Variants in PTPRD observed in about 807,000 individuals in gnomAD.
PTPRD encodes protein tyrosine phosphatase receptor type D, also known as receptor-type tyrosine-protein phosphatase delta.
In PTPRD, 34 loss-of-function variants were observed where a neutral mutation model predicts 214.5. That is an observed-to-expected ratio of 0.16 (90% CI 0.12 to 0.21). The LOEUF is 0.21. PTPRD is among the 10% of genes least tolerant of loss of function. The pLI is 1.00. For synonymous variants in PTPRD, 1,128 were observed against 845.7 expected, an observed-to-expected ratio of 1.33 and a Z score of -5.79; for missense variants, 2,545 against 2,398.7, an observed-to-expected ratio of 1.06 and a Z score of -1.27.
chr9:10,126,693 A>C (rs2154253473), intron 3 of PTPRD, among the ~76,000 whole-genome samples: 1 of 152,320 alleles, frequency 6.6e-6, no homozygotes, highest in East Asian at 1.9e-4. Flanking sequence ...GAAAAAGTTA[A>C]CATAGCTGTC....
chr9:9,475,039 G>C (rs1480811246), intron 8 of PTPRD, among the ~76,000 whole-genome samples: 1 of 152,134 alleles, frequency 6.6e-6, no homozygotes, highest in Admixed American at 6.5e-5. Context: ...TAAAAATAAA[G>C]AATCCTGCTA....
At chr9:8,816,365 T>A (rs981421185) in intron 11 of PTPRD, among the ~76,000 whole-genome samples, 2 of 152,206 alleles carry the variant, frequency 1.3e-5, no homozygotes, top group African/African-American at 4.8e-5. Flanking sequence ...ATGGAAAGAA[T>A]GAGATGAGCC....
intron 3 of PTPRD, among the ~76,000 whole-genome samples, chr9:10,050,410 A>T (rs1218189389): frequency 6.6e-6 from 1 of 151,564 alleles, no homozygotes; most frequent in African/African-American, 2.4e-5. Flanking sequence ...ATACAAAAAA[A>T]CTAGCCAGGC....
intron 10 of PTPRD, among the ~76,000 whole-genome samples, chr9:9,031,677 C>A (rs1416482659): frequency 6.6e-6 from 1 of 151,992 alleles, no homozygotes; most frequent in Non-Finnish European, 1.5e-5. Flanking sequence ...GTGTGAATTT[C>A]TTCTTGAAGG....
chr9:9,675,828 G>T (rs1462094125), intron 7 of PTPRD, among the ~76,000 whole-genome samples: 1 of 151,882 alleles, frequency 6.6e-6, no homozygotes, highest in Admixed American at 6.6e-5. Flanking sequence ...TAAAAACATC[G>T]ACCTAATCTT....
intron 11 of PTPRD, among the ~76,000 whole-genome samples, chr9:8,831,118 C>A (rs111829996): frequency 9.3e-4 from 142 of 152,232 alleles, no homozygotes; most frequent in African/African-American, 3.3e-3. Flanking sequence ...GACAAGATGA[C>A]TGAGACTCAG....
chr9:10,134,798 G>A (rs576751865), intron 3 of PTPRD, among the ~76,000 whole-genome samples: 99 of 152,120 alleles, frequency 6.5e-4, no homozygotes, highest in Middle Eastern at 3.4e-3. Context: ...CATTAACTAC[G>A]GCAATTCAAA....
intron 10 of PTPRD, among the ~76,000 whole-genome samples, chr9:9,024,510 C>T (rs1459870825): frequency 1.3e-5 from 2 of 151,304 alleles, no homozygotes; most frequent in Admixed American, 6.6e-5. Flanking sequence ...AAATTATACT[C>T]CAAAAAGGTA....
chr9:8,336,043 T>A (rs968194916), intron 43 of PTPRD, among the ~76,000 whole-genome samples: 4 of 151,616 alleles, frequency 2.6e-5, no homozygotes, highest in Non-Finnish European at 5.9e-5. Flanking sequence ...CCAAGGTAAT[T>A]TATAGATTCA....
At chr9:10,043,732 T>TA (rs1229171988) in intron 3 of PTPRD, among the ~76,000 whole-genome samples, 1 of 151,862 alleles carries the variant, frequency 6.6e-6, no homozygotes, top group Non-Finnish European at 1.5e-5. Flanking sequence ...ACATTCTAGG[T>TA]AAGGATGAAG....
chr9:8,994,965 A>G (rs2099390906), intron 11 of PTPRD, among the ~76,000 whole-genome samples: 1 of 152,076 alleles, frequency 6.6e-6, no homozygotes, highest in African/African-American at 2.4e-5. Context: ...GTAATTTTCA[A>G]ATCTCCCCAA....
intron 2 of PTPRD, among the ~76,000 whole-genome samples, chr9:10,368,813 A>G (rs2097560539): frequency 6.6e-6 from 1 of 152,144 alleles, no homozygotes; most frequent in Non-Finnish European, 1.5e-5. Context: ...ATGGCAAATC[A>G]TGATACAAAA....
intron 9 of PTPRD, among the ~76,000 whole-genome samples, chr9:9,325,040 C>T (rs1450842498): frequency 1.3e-5 from 2 of 152,112 alleles, no homozygotes; most frequent in Non-Finnish European, 2.9e-5. Context: ...TGTTCTGTTC[C>T]ATTGATCTAT....
intron 3 of PTPRD, among the ~76,000 whole-genome samples, chr9:10,267,190 CAAA>C (rs530164049): frequency 6.6e-5 from 5 of 76,028 alleles, no homozygotes; most frequent in Non-Finnish European, 5.4e-5. Context: ...GACTCCGTCT[CAAA>C]AAAAAAAAAA....
At chr9:10,552,216 C>G (rs971868308) in intron 2 of PTPRD, among the ~76,000 whole-genome samples, 13 of 151,980 alleles carry the variant, frequency 8.6e-5, no homozygotes, top group African/African-American at 3.1e-4. Flanking sequence ...TTAGTGTGTG[C>G]AGGCCATTCG....
intron 11 of PTPRD, among the ~76,000 whole-genome samples, chr9:8,950,407 A>G (rs1235748000): frequency 2.0e-5 from 3 of 151,950 alleles, no homozygotes; most frequent in African/African-American, 7.3e-5. Flanking sequence ...AGGGTATGTG[A>G]GTCCAGTTGA....
At chr9:9,063,354 G>T (rs920003703) in intron 10 of PTPRD, among the ~76,000 whole-genome samples, 3 of 152,078 alleles carry the variant, frequency 2.0e-5, no homozygotes, top group African/African-American at 7.2e-5. Flanking sequence ...GCAGAATGAT[G>T]ATTTAGAAGT....
intron 4 of PTPRD, among the ~76,000 whole-genome samples, chr9:9,956,017 T>C (rs2093902007): frequency 6.6e-6 from 1 of 152,136 alleles, no homozygotes; most frequent in Non-Finnish European, 1.5e-5. Flanking sequence ...GCAGGCCACA[T>C]TTATTTGCAA....
chr9:9,540,231 T>C (rs1224829074), intron 8 of PTPRD, among the ~76,000 whole-genome samples: 2 of 150,040 alleles, frequency 1.3e-5, no homozygotes, highest in African/African-American at 2.5e-5. Context: ...AGATGAGATA[T>C]GTTACTCACA....
Sources: gnomAD v4.1 joint callset for allele counts (sites outside exome capture counted in the v4.1 genomes callset) on GRCh38, gnomAD v4.1.1 for gene constraint, MANE v1.5 for transcripts, NCBI Gene and HGNC (gene_info 2026-07-23, HGNC 2026-07-21) for gene names.